Variants in MPPED2 observed in about 807,000 individuals in gnomAD.
The protein encoded by MPPED2 is metallophosphoesterase MPPED2.
Under a neutral mutation model 33.0 loss-of-function variants are expected in MPPED2, and 5 were observed. That is an observed-to-expected ratio of 0.15 (90% CI 0.08 to 0.32). MPPED2 has a LOEUF of 0.32. MPPED2 is among the 10% of genes least tolerant of loss of function. The probability of loss-of-function intolerance (pLI) is 1.00; values close to 1 mark genes in which losing one functional copy is unlikely to be tolerated. For synonymous variants in MPPED2, 136 were observed against 141.9 expected (o/e 0.96, Z 0.29); for missense variants, 275 against 372.1 (o/e 0.74, Z 2.15).
intron 6 of MPPED2, among the ~76,000 whole-genome samples, chr11:30,395,547 T>G (rs561167391): frequency 6.6e-6 from 1 of 152,230 alleles, no homozygotes; most frequent in South Asian, 2.1e-4. Context: ...TCAAAAATCA[T>G]TTATATTAGA....
At chr11:30,454,553 C>T (rs1950198928) in intron 4 of MPPED2, among the ~76,000 whole-genome samples, 1 of 143,172 alleles carries the variant, frequency 7.0e-6, no homozygotes, top group South Asian at 2.2e-4. Flanking sequence ...AAGTCATGAC[C>T]TAGTTTAAAA....
intron 3 of MPPED2, among the ~76,000 whole-genome samples, chr11:30,495,987 C>T (rs1168485491): frequency 6.6e-6 from 1 of 152,152 alleles, no homozygotes; most frequent in Non-Finnish European, 1.5e-5. Flanking sequence ...CATAGTCAAA[C>T]ATTCCATAAT....
chr11:30,470,487 T>C (rs1950902436), intron 4 of MPPED2, among the ~76,000 whole-genome samples: 1 of 152,208 alleles, frequency 6.6e-6, no homozygotes, highest in Non-Finnish European at 1.5e-5. Context: ...GTTATGAAGT[T>C]TCTTTTTTAT....
chr11:30,453,334 T>C (rs545062188), intron 4 of MPPED2, among the ~76,000 whole-genome samples: 2 of 152,350 alleles, frequency 1.3e-5, no homozygotes, highest in East Asian at 3.9e-4. Flanking sequence ...CTCTAGATCA[T>C]CTATTGGCTC....
chr11:30,573,974 A>G (rs527571047), intron 2 of MPPED2, among the ~76,000 whole-genome samples: 2 of 152,360 alleles, frequency 1.3e-5, no homozygotes, highest in South Asian at 4.1e-4. Flanking sequence ...TCTGGCTTAT[A>G]AAAGAGTCAA....
intron 3 of MPPED2, among the ~76,000 whole-genome samples, chr11:30,496,040 A>C (rs1952235306): frequency 6.6e-6 from 1 of 152,214 alleles, no homozygotes. Context: ...TTCATATTTC[A>C]ACTCTAATTT....
chr11:30,396,210 G>A (rs1425544516), intron 6 of MPPED2, among the ~76,000 whole-genome samples: 1 of 152,088 alleles, frequency 6.6e-6, no homozygotes, highest in Admixed American at 6.6e-5. Flanking sequence ...ATTCATTCAT[G>A]GACAATATAA....
intron 4 of MPPED2, among the ~76,000 whole-genome samples, chr11:30,454,831 C>CAT (rs1950213138): frequency 6.6e-6 from 1 of 152,136 alleles, no homozygotes; most frequent in African/African-American, 2.4e-5. Flanking sequence ...AATCAGAGAG[C>CAT]CTATAAGCTC....
chr11:30,400,184 T>G (rs1276032062), intron 6 of MPPED2, among the ~76,000 whole-genome samples: 5 of 152,130 alleles, frequency 3.3e-5, no homozygotes, highest in African/African-American at 9.7e-5. Flanking sequence ...ATCAGCCTCC[T>G]AATCAGCCTC....
At chr11:30,535,022 CAG>C (rs1954736736) in intron 3 of MPPED2, among the ~76,000 whole-genome samples, 1 of 152,146 alleles carries the variant, frequency 6.6e-6, no homozygotes, top group African/African-American at 2.4e-5. Context: ...AAAATGTGAA[CAG>C]ATGAGCAAAG....
chr11:30,556,962 G>A (rs1452099000), intron 2 of MPPED2, among the ~76,000 whole-genome samples: 1 of 151,788 alleles, frequency 6.6e-6, no homozygotes, highest in Non-Finnish European at 1.5e-5. Flanking sequence ...ATAAGATGAG[G>A]AAAAGATCAT....
At chr11:30,548,244 C>T (rs1293234336) in intron 2 of MPPED2, among the ~76,000 whole-genome samples, 1 of 151,140 alleles carries the variant, frequency 6.6e-6, no homozygotes, top group Non-Finnish European at 1.5e-5. Flanking sequence ...CTGACGGGGT[C>T]TCTCTCTCTC....
intron 2 of MPPED2, among the ~76,000 whole-genome samples, chr11:30,570,768 T>C (rs1289945244): frequency 6.6e-6 from 1 of 152,176 alleles, no homozygotes; most frequent in African/African-American, 2.4e-5. Context: ...TATTTTAAAC[T>C]AAGTGTACAA....
intron 4 of MPPED2, among the ~76,000 whole-genome samples, chr11:30,472,130 A>G (rs1168965926): frequency 6.6e-6 from 1 of 152,156 alleles, no homozygotes; most frequent in Non-Finnish European, 1.5e-5. Flanking sequence ...TTGCGGGGGC[A>G]AGGCTGGAGG....
At chr11:30,530,212 C>A (rs747803872) in intron 3 of MPPED2, among the ~76,000 whole-genome samples, 1 of 152,078 alleles carries the variant, frequency 6.6e-6, no homozygotes, top group South Asian at 2.1e-4. Context: ...ATTATAAGTT[C>A]TTTGAGAATA....
At chr11:30,485,409 CAT>C (rs1327603868) in intron 4 of MPPED2, among the ~76,000 whole-genome samples, 1 of 36,820 alleles carries the variant, frequency 2.7e-5, no homozygotes, top group African/African-American at 5.5e-5. Context: ...GATTGCATAA[CAT>C]GTGTAACAAG....
At chr11:30,586,464 C>CTG, upstream of MPPED2, among the ~76,000 whole-genome samples, 1 of 152,130 alleles carries the variant, frequency 6.6e-6, no homozygotes, top group Middle Eastern at 3.4e-3. The surrounding 1 kb of genome is among the most constrained non-coding windows in gnomAD (Gnocchi z 4.8). Flanking sequence ...CACGCCCCTC[C>CTG]CGCAGTCCCT....
chr11:30,539,029 A>G (rs1195129041), intron 2 of MPPED2, among the ~76,000 whole-genome samples: 3 of 152,220 alleles, frequency 2.0e-5, no homozygotes, highest in African/African-American at 7.2e-5. Flanking sequence ...CCACAGGCAT[A>G]GAGTTGAAAA....
At chr11:30,427,082 C>T (rs907470487) in intron 4 of MPPED2, among the ~76,000 whole-genome samples, 3 of 152,222 alleles carry the variant, frequency 2.0e-5, no homozygotes, top group Non-Finnish European at 4.4e-5. Context: ...TGTGCCTCCT[C>T]TTCCCCATCC....
Sources: allele counts gnomAD v4.1 joint callset (sites outside exome capture counted in the v4.1 genomes callset), GRCh38; gene constraint gnomAD v4.1.1; non-coding constraint Gnocchi (gnomAD v3.1); transcripts MANE v1.5; gene names NCBI Gene and HGNC (gene_info 2026-07-23, HGNC 2026-07-21).